Variants in CNTNAP3B observed in about 807,000 individuals in gnomAD.
CNTNAP3B encodes contactin associated protein family member 3B.
CNTNAP3B carries 25 observed loss-of-function variants against 108.9 expected under a neutral mutation model. The ratio of observed to expected loss-of-function variants is 0.23; its 90% confidence interval spans 0.17 to 0.32. The LOEUF (loss-of-function observed/expected upper bound fraction) is 0.32. Among genes scored for constraint, CNTNAP3B ranks in the 10% least tolerant of loss-of-function variants. The pLI, the probability that CNTNAP3B is intolerant of heterozygous loss-of-function variation, is 1.00. For synonymous variants in CNTNAP3B, 103 were observed against 473.4 expected, an observed-to-expected ratio of 0.22 and a Z score of 10.16; for missense variants, 252 against 1,210.4, an observed-to-expected ratio of 0.21 and a Z score of 11.75.
chr9:42,067,452 A>AT (rs1358640372), intron 3 of CNTNAP3B, among the ~76,000 whole-genome samples: 2 of 151,392 alleles, frequency 1.3e-5, no homozygotes, highest in Non-Finnish European at 2.9e-5. Context: ...AAGAAAAAAT[A>AT]TAACAACAAA....
rs1217253928 is a variant in CNTNAP3B, at chr9:42,115,921, C to T, written c.86-11182G>A. Among the ~76,000 whole-genome samples the T allele has an allele frequency of 6.2e-5, 8 of 129,588 alleles. 2 individuals carry two copies. The highest frequency in any genetic ancestry group is 1.9e-4 in the African/African-American group (6 of 31,444). 85.0% of individuals were successfully genotyped at this position (129,588 alleles called of 152,430 possible). A position where few individuals can be genotyped will look rare whatever the true frequency, so the allele number is the denominator to read the frequency against. ...GATGATCGGTAATAACAAACTTCTC[C>T]GAGCTAAAGGAGGATGTTCGAACCC... On this transcript the variant is annotated intron_variant, in intron 1 of 23. Coordinates refer to ENST00000377561, the MANE Select transcript of CNTNAP3B (RefSeq NM_001201380.3).
chr9:42,018,735 A>G (rs1212266981), intron 3 of CNTNAP3B, among the ~76,000 whole-genome samples: 2 of 151,650 alleles, frequency 1.3e-5, no homozygotes, highest in Non-Finnish European at 2.9e-5. Flanking sequence ...TATGATGAAC[A>G]CAGGCTGCGA....
At chr9:41,936,925 T>C (rs1328569018) in intron 14 of CNTNAP3B, among the ~76,000 whole-genome samples, 1 of 152,308 alleles carries the variant, frequency 6.6e-6, no homozygotes, top group Non-Finnish European at 1.5e-5. Flanking sequence ...TTCAAGTGAG[T>C]TTTCCCAACT....
At chr9:41,930,898 CAAT>C (rs1324248288) in intron 14 of CNTNAP3B, among the ~76,000 whole-genome samples, 26 of 152,178 alleles carry the variant, frequency 1.7e-4, no homozygotes, top group African/African-American at 4.8e-4. Context: ...AATATTTGGC[CAAT>C]AATATTGCAT....
intron 14 of CNTNAP3B, among the ~76,000 whole-genome samples, chr9:41,931,419 C>T (rs1823974367): frequency 6.6e-6 from 1 of 152,278 alleles, no homozygotes; most frequent in Admixed American, 6.5e-5. Context: ...ATTTCTTTTA[C>T]TTAACTCGAC....
At chr9:41,951,902 C>A (rs1243224424) in intron 13 of CNTNAP3B, among the ~76,000 whole-genome samples, 39 of 152,358 alleles carry the variant, frequency 2.6e-4, no homozygotes, top group African/African-American at 8.9e-4. Flanking sequence ...CACGGTGAAA[C>A]CCCGTCTCTA....
rs1564177974 is a variant in CNTNAP3B, at chr9:42,030,814, GAGA to G, written c.391-17292_391-17290del. Among the ~76,000 whole-genome samples, 7 of 24,076 alleles carry G rather than the reference GAGA, an allele frequency of 2.9e-4. 1 individual carries two copies. The highest frequency in any genetic ancestry group is 9.1e-4 in the African/African-American group (7 of 7,708). The allele number at this position is 24,076 out of a possible 152,430, so 15.8% of individuals were successfully genotyped here. On this transcript the variant is annotated intron_variant, in intron 3 of 23. Transcript: ENST00000377561. ...GTGCGAGAGAGAGAGAGAGAGAGAG[GAGA>G]GAGAGAGAGAGAGAGAGAGAGAGAG...
At chr9:41,920,760 A>AATAT (rs1488965649) in intron 17 of CNTNAP3B, among the ~76,000 whole-genome samples, 1 of 152,312 alleles carries the variant, frequency 6.6e-6, no homozygotes, top group Non-Finnish European at 1.5e-5. Flanking sequence ...CAATAATAAA[A>AATAT]ATATATATGG....
chr9:41,945,451 T>A (rs961053459), intron 13 of CNTNAP3B, among the ~76,000 whole-genome samples: 1 of 152,304 alleles, frequency 6.6e-6, no homozygotes, highest in African/African-American at 2.4e-5. Flanking sequence ...AAAGGATGAG[T>A]TCATGTCCTT....
rs1352884549 is a variant in CNTNAP3B, at chr9:42,115,924, G to A, written c.86-11185C>T. Among the ~76,000 whole-genome samples the A allele has an allele frequency of 2.3e-5, 3 of 130,688 alleles. 1 individual carries two copies. 85.7% of individuals were successfully genotyped at this position (130,688 alleles called of 152,430 possible). A position where few individuals can be genotyped will look rare whatever the true frequency, so the allele number is the denominator to read the frequency against. On this transcript the variant is annotated intron_variant, in intron 1 of 23. Coordinates refer to ENST00000377561, the MANE Select transcript of CNTNAP3B (RefSeq NM_001201380.3). Reference sequence around the variant, plus strand: ...GATCGGTAATAACAAACTTCTCCGAGCTAAAGGAGGATGTTCGAACCCGTC... The same window carrying A: ...GATCGGTAATAACAAACTTCTCCGAACTAAAGGAGGATGTTCGAACCCGTC...
intron 13 of CNTNAP3B, among the ~76,000 whole-genome samples, chr9:41,944,498 T>A (rs1170435744): frequency 4.7e-4 from 72 of 152,378 alleles, no homozygotes; most frequent in African/African-American, 1.7e-3. Context: ...ATAGTGTATA[T>A]TTTATACTCA....
intron 12 of CNTNAP3B, chr9:41,960,442 T>C (rs1825043813): frequency 4.9e-6 from 1 of 204,732 alleles, no homozygotes; most frequent in East Asian, 1.2e-4. Context: ...TTAGCATTTT[T>C]AAACACCTCT....
chr9:42,122,562 T>A (rs1352392577), intron 1 of CNTNAP3B, among the ~76,000 whole-genome samples: 3 of 132,400 alleles, frequency 2.3e-5, no homozygotes, highest in Non-Finnish European at 3.2e-5. Flanking sequence ...TATATAATAT[T>A]ATATATTTAT....
intron 12 of CNTNAP3B, among the ~76,000 whole-genome samples, chr9:41,956,697 GAGA>G (rs1310009907): frequency 6.9e-6 from 1 of 145,838 alleles, no homozygotes; most frequent in Non-Finnish European, 1.5e-5. Context: ...ACTTTTCAAG[GAGA>G]AGGTTTTGTT....
rs1249089919 is a variant in CNTNAP3B at position 42,094,347 on chromosome 9, TAA to T, written c.196+10280_196+10281del. 1.3e-4 allele frequency among the ~76,000 whole-genome samples: 15 copies of T among 112,732 alleles called. 4 individuals are homozygous for T. The highest frequency in any genetic ancestry group is 5.5e-4 in the African/African-American group (15 of 27,262). 74.0% of individuals were successfully genotyped at this position (112,732 alleles called of 152,430 possible). On this transcript the variant is annotated intron_variant, in intron 2 of 23. Coordinates refer to ENST00000377561, the MANE Select transcript of CNTNAP3B (RefSeq NM_001201380.3). Reference sequence around the variant, plus strand: ...TTTTACATTTGTAAAGCGTTGCATTTAAAAAAAAAAAACAAAGAGGGCGGGGG... The same window carrying T: ...TTTTACATTTGTAAAGCGTTGCATTTAAAAAAAAAACAAAGAGGGCGGGGG...
chr9:41,977,316 C>T (rs1052660447), intron 9 of CNTNAP3B, among the ~76,000 whole-genome samples: 1 of 151,022 alleles, frequency 6.6e-6, no homozygotes, highest in African/African-American at 2.5e-5. Context: ...ATGAATAGTA[C>T]TTTCATTCTT....
chr9:41,927,685 C>G (rs1359389260), intron 15 of CNTNAP3B, among the ~76,000 whole-genome samples: 19 of 151,636 alleles, frequency 1.3e-4, no homozygotes, highest in African/African-American at 4.4e-4. Context: ...AAAATAAGAG[C>G]TAAAATATGA....
intron 3 of CNTNAP3B, 137 bp downstream of exon 3, chr9:42,076,732 A>C (rs1827499332): frequency 1.8e-6 from 1 of 568,706 alleles, no homozygotes; most frequent in Admixed American, 3.5e-5. Flanking sequence ...TAATGGTATA[A>C]GATTCTCTTT....
At chr9:42,101,601 ATAT>A (rs1469757592) in intron 2 of CNTNAP3B, among the ~76,000 whole-genome samples, 3 of 50,448 alleles carry the variant, frequency 5.9e-5, no homozygotes, top group African/African-American at 9.2e-5. Flanking sequence ...AATTTCTTTG[ATAT>A]TATTATCAAA....
Sources: gnomAD v4.1 joint callset for allele counts (sites outside exome capture counted in the v4.1 genomes callset) on GRCh38, gnomAD v4.1.1 for gene constraint, MANE v1.5 for transcripts, NCBI Gene and HGNC (gene_info 2026-07-23, HGNC 2026-07-21) for gene names.